The following XKR6 variants were observed in gnomAD, a reference collection of about 807,000 sequenced individuals.
XKR6 encodes XK-related protein 6.
Under a neutral mutation model 56.7 loss-of-function variants are expected in XKR6, and 22 were observed. The ratio of observed to expected loss-of-function variants is 0.39; its 90% confidence interval spans 0.28 to 0.55. The LOEUF (loss-of-function observed/expected upper bound fraction) is 0.55, where lower values mean the gene tolerates loss of function less well. Among genes scored for constraint, XKR6 ranks in the 20% least tolerant of loss-of-function variants. The pLI is 0.66. For synonymous variants in XKR6, 524 were observed against 387.8 expected (o/e 1.35, Z -4.13); for missense variants, 852 against 889.0 (o/e 0.96, Z 0.53).
intron 2 of XKR6, among the ~76,000 whole-genome samples, chr8:10,903,849 C>T (rs375042222): frequency 4.2e-4 from 64 of 152,258 alleles, no homozygotes; most frequent in African/African-American, 1.3e-3. Context: ...GCACAGCCAC[C>T]GCCGAGTGAT....
intron 1 of XKR6, among the ~76,000 whole-genome samples, chr8:11,174,244 C>T (rs964992469): frequency 5.3e-5 from 8 of 152,180 alleles, no homozygotes. Context: ...GTGGAGATTC[C>T]AAACCCTTCC....
intron 1 of XKR6, among the ~76,000 whole-genome samples, chr8:11,084,012 T>C (rs57552074): frequency 0.018 from 2,799 of 152,282 alleles, 96 homozygotes; most frequent in African/African-American, 0.064. Flanking sequence ...GAAAAAGGGA[T>C]CCTAAATGGG....
intron 1 of XKR6, among the ~76,000 whole-genome samples, chr8:11,163,488 C>T (rs146326678): frequency 8.5e-5 from 13 of 152,316 alleles, no homozygotes; most frequent in African/African-American, 2.6e-4. Context: ...GTCTTTCTTT[C>T]GTCACATCTG....
chr8:11,023,606 G>A (rs927379229), intron 1 of XKR6, among the ~76,000 whole-genome samples: 7 of 152,148 alleles, frequency 4.6e-5, no homozygotes, highest in African/African-American at 1.4e-4. Context: ...AATCTGTGGG[G>A]GCCACTTGAG....
chr8:11,197,859 T>G (rs1320958288), intron 1 of XKR6, among the ~76,000 whole-genome samples: 1 of 152,226 alleles, frequency 6.6e-6, no homozygotes, highest in East Asian at 1.9e-4. Context: ...TAAGTTTTAT[T>G]AAATCGGTGT....
chr8:11,161,920 T>G (rs902580857), intron 1 of XKR6, among the ~76,000 whole-genome samples: 7 of 152,120 alleles, frequency 4.6e-5, no homozygotes, highest in Admixed American at 4.6e-4. Context: ...CTTACCCAGG[T>G]TGTAGTGAAT....
At chr8:11,058,046 T>C (rs1227833571) in intron 1 of XKR6, among the ~76,000 whole-genome samples, 1 of 152,214 alleles carries the variant, frequency 6.6e-6, no homozygotes, top group Admixed American at 6.5e-5. Flanking sequence ...CCCAACTTAT[T>C]TTAGTCCCAG....
chr8:11,057,350 T>A (rs998350166), intron 1 of XKR6, among the ~76,000 whole-genome samples: 4 of 152,208 alleles, frequency 2.6e-5, no homozygotes, highest in Non-Finnish European at 5.9e-5. Flanking sequence ...AGAGGGCTTT[T>A]TGTCTGTTTT....
At chr8:11,197,483 T>C (rs1276401961) in intron 1 of XKR6, among the ~76,000 whole-genome samples, 1 of 152,184 alleles carries the variant, frequency 6.6e-6, no homozygotes, top group East Asian at 1.9e-4. Flanking sequence ...AACAACACAT[T>C]GTACAAAAGT....
chr8:11,052,339 CTT>C (rs1023461893), intron 1 of XKR6, among the ~76,000 whole-genome samples: 2 of 152,214 alleles, frequency 1.3e-5, no homozygotes, highest in Admixed American at 1.3e-4. Flanking sequence ...TCCCCCAGCT[CTT>C]GTTTCCCAGA....
intron 1 of XKR6, among the ~76,000 whole-genome samples, chr8:11,129,954 G>T (rs1214876033): frequency 6.6e-6 from 1 of 152,132 alleles, no homozygotes; most frequent in Non-Finnish European, 1.5e-5. Context: ...AAGCTCAAGT[G>T]TCAATCTGAA....
chr8:10,905,214 T>C (rs1800153114), intron 2 of XKR6, among the ~76,000 whole-genome samples: 1 of 152,138 alleles, frequency 6.6e-6, no homozygotes, highest in African/African-American at 2.4e-5. Context: ...CCACTTGCCC[T>C]CCTCACTCTC....
intron 2 of XKR6, among the ~76,000 whole-genome samples, chr8:10,921,547 C>T (rs749897016): frequency 2.6e-5 from 4 of 152,178 alleles, no homozygotes; most frequent in Non-Finnish European, 5.9e-5. Context: ...CATTGCATCC[C>T]CACTGAAAAT....
chr8:11,161,015 G>A (rs1801779169), intron 1 of XKR6, among the ~76,000 whole-genome samples: 1 of 151,690 alleles, frequency 6.6e-6, no homozygotes, highest in African/African-American at 2.4e-5. Flanking sequence ...TTGTGAATAT[G>A]GGCCCTTCTA....
intron 1 of XKR6, chr8:11,105,898 A>C (rs1382825608): frequency 6.6e-6 from 1 of 152,242 alleles, no homozygotes. Context: ...TATACATTAC[A>C]TGAAAAGCAA....
chr8:11,104,122 G>A (rs997731067), intron 1 of XKR6, among the ~76,000 whole-genome samples: 2 of 152,112 alleles, frequency 1.3e-5, no homozygotes, highest in Non-Finnish European at 2.9e-5. Flanking sequence ...ATTCAATGTC[G>A]GGCCTCCTAA....
At chr8:10,971,370 A>C (rs190188031) in intron 1 of XKR6, among the ~76,000 whole-genome samples, 1 of 152,032 alleles carries the variant, frequency 6.6e-6, no homozygotes, top group Non-Finnish European at 1.5e-5. Flanking sequence ...GCAGTGAGCC[A>C]AGATCGCACC....
intron 1 of XKR6, among the ~76,000 whole-genome samples, chr8:11,191,589 G>C (rs552545381): frequency 6.6e-6 from 1 of 150,928 alleles, no homozygotes; most frequent in African/African-American, 2.4e-5. Flanking sequence ...GCAACTTCAA[G>C]TTTACTAGAA....
intron 1 of XKR6, among the ~76,000 whole-genome samples, chr8:11,161,233 T>C (rs1801789594): frequency 6.6e-6 from 1 of 152,142 alleles, no homozygotes; most frequent in Admixed American, 6.5e-5. Context: ...TCTCCCTCCC[T>C]CCAATCTAAA....
Sources: allele counts gnomAD v4.1 joint callset (sites outside exome capture counted in the v4.1 genomes callset), GRCh38; gene constraint gnomAD v4.1.1; transcripts MANE v1.5; gene names NCBI Gene and HGNC (gene_info 2026-07-23, HGNC 2026-07-21).